Variants in ADAM10 observed in about 807,000 individuals in gnomAD.
The protein encoded by ADAM10 is disintegrin and metalloproteinase domain-containing protein 10.
Under a neutral mutation model 90.1 loss-of-function variants are expected in ADAM10, and 17 were observed. The ratio of observed to expected loss-of-function variants is 0.19; its 90% confidence interval spans 0.13 to 0.28. ADAM10 has a LOEUF of 0.28. Among genes scored for constraint, ADAM10 ranks in the 10% least tolerant of loss-of-function variants. ADAM10 has a pLI of 1.00. For synonymous variants in ADAM10, 310 were observed against 298.6 expected (o/e 1.04, Z -0.40); for missense variants, 610 against 914.3 (o/e 0.67, Z 4.29).
intron 4 of ADAM10, among the ~76,000 whole-genome samples, chr15:58,677,717 C>A (rs1054313300): frequency 2.0e-5 from 3 of 152,158 alleles, no homozygotes; most frequent in Non-Finnish European, 4.4e-5. Context: ...TGGCAGATTA[C>A]GCTTTTCCTC....
chr15:58,701,930 A>AC (rs1308957757), intron 2 of ADAM10, among the ~76,000 whole-genome samples: 6 of 151,784 alleles, frequency 4.0e-5, no homozygotes, highest in Non-Finnish European at 5.9e-5. Flanking sequence ...ACACAGCAAA[A>AC]CCCCATCTCT....
Position 58,634,041 on chromosome 15 carries a change from TG to T in ADAM10, c.1013-683del, listed in dbSNP as rs377414685. 6.8e-3 allele frequency among the ~76,000 whole-genome samples: 1,041 copies of T among 152,238 alleles called. 15 individuals carry two copies. The highest frequency in any genetic ancestry group is 0.024 in the African/African-American group (995 of 41,528). On this transcript the variant is annotated intron_variant, in intron 8 of 15. Coordinates refer to ENST00000260408, the MANE Select transcript of ADAM10 (RefSeq NM_001110.4). ...AAGAATTCACCACTGCTGAGCGCAG[TG>T]GCTCACGCCTGTAATCCCAGCACTT... is the stretch of plus-strand genomic sequence containing the variant.
chr15:58,708,771 T>C (rs1199206373), intron 2 of ADAM10, among the ~76,000 whole-genome samples: 2 of 152,196 alleles, frequency 1.3e-5, no homozygotes, highest in African/African-American at 2.4e-5. Context: ...GTTGGTTCAA[T>C]ATAGACTATT....
intron 12 of ADAM10, 40 bp from the exon 13 acceptor site, chr15:58,611,147 C>T: frequency 7.0e-7 from 1 of 1,429,118 alleles, no homozygotes; most frequent in East Asian, 2.3e-5. Flanking sequence ...AATCCCTATA[C>T]AGTCAAACCT....
At chr15:58,664,464 T>C (rs1189499487) in intron 5 of ADAM10, among the ~76,000 whole-genome samples, 3 of 152,150 alleles carry the variant, frequency 2.0e-5, no homozygotes, top group African/African-American at 7.2e-5. Context: ...GAATTGTTTA[T>C]GCCATTTTAC....
intron 2 of ADAM10, chr15:58,692,703 A>C (rs1897859495): frequency 1.8e-6 from 1 of 565,508 alleles, no homozygotes; most frequent in Admixed American, 1.9e-5. Context: ...CAACATGTAA[A>C]GTGAAGGAAC....
At chr15:58,738,973 C>T (rs1022544655) in intron 1 of ADAM10, among the ~76,000 whole-genome samples, 55 of 152,118 alleles carry the variant, frequency 3.6e-4, no homozygotes, top group African/African-American at 1.3e-3. Flanking sequence ...CTGTCCCACT[C>T]CCTGCATTTC....
At chr15:58,735,485 C>A (rs1417527209) in intron 1 of ADAM10, among the ~76,000 whole-genome samples, 1 of 152,174 alleles carries the variant, frequency 6.6e-6, no homozygotes, top group Admixed American at 6.6e-5. Context: ...ATGCTCAAAT[C>A]CCTGACAAAA....
intron 12 of ADAM10, 75 bp from the exon 13 acceptor site, chr15:58,611,182 A>T: frequency 1.9e-6 from 2 of 1,028,992 alleles, no homozygotes; most frequent in African/African-American, 1.6e-5. Flanking sequence ...CAGACAGGCA[A>T]GTATGAGCTT....
intron 1 of ADAM10, chr15:58,748,899 A>G (rs1179864422): frequency 5.0e-6 from 2 of 398,998 alleles, no homozygotes; most frequent in African/African-American, 4.1e-5. Flanking sequence ...GCCCCTCTGC[A>G]GAATGGGGTC....
At chr15:58,623,528 G>C (rs532976468) in intron 10 of ADAM10, among the ~76,000 whole-genome samples, 1 of 152,302 alleles carries the variant, frequency 6.6e-6, no homozygotes, top group South Asian at 2.1e-4. Flanking sequence ...CCAGAAGCAT[G>C]CACTATTTAT....
In ADAM10 at chr15:58,665,141, T is replaced by C. The variant is rs145518263; in HGVS notation, c.541A>G (p.Arg181Gly). 196 of 1,613,430 alleles carry C rather than the reference T, an allele frequency of 1.2e-4. 1 individual carries two copies. Among genetic ancestry groups the C allele is most frequent in the Admixed American group, 6.7e-4 (40 of 60,004 alleles). Residue 181 changes from arginine to glycine, a missense_variant, in exon 5 of 16, where the codon AGA becomes GGA. This residue lies in a region of ADAM10 where 310 missense variants were observed against 362.4 expected (regional missense o/e 0.86). Transcript: ENST00000260408. The stretch of plus-strand genomic sequence containing the variant: ...CCAGTCATCTGGTATTTCCTCATTC[T>C]TTCAAATACTGAATGATCTGCACAG... Reference protein sequence around the residue: ...GGCADHSVFERMRKYQMTGVE... With the variant: ...GGCADHSVFEGMRKYQMTGVE...
chr15:58,739,066 T>C (rs991313767), intron 1 of ADAM10, among the ~76,000 whole-genome samples: 2 of 152,094 alleles, frequency 1.3e-5, no homozygotes, highest in African/African-American at 4.8e-5. Flanking sequence ...TGAGAACCAC[T>C]ATGCCAAAGC....
chr15:58,627,456 A>G (rs999060764), intron 10 of ADAM10, among the ~76,000 whole-genome samples: 1 of 152,212 alleles, frequency 6.6e-6, no homozygotes, highest in African/African-American at 2.4e-5. Context: ...ACTCTAGTTA[A>G]TGATTTGCAG....
intron 1 of ADAM10, among the ~76,000 whole-genome samples, chr15:58,742,949 T>C (rs1262976415): frequency 6.6e-6 from 1 of 152,092 alleles, no homozygotes; most frequent in East Asian, 1.9e-4. Context: ...GTCCCAGCTA[T>C]GGAGAGGCTG....
At chr15:58,713,940 G>C (rs962446418) in intron 2 of ADAM10, among the ~76,000 whole-genome samples, 4 of 151,698 alleles carry the variant, frequency 2.6e-5, no homozygotes, top group African/African-American at 9.7e-5. Context: ...AGCCTCTTGA[G>C]TAGCTGGGAC....
chr15:58,641,464 G>C (rs1208834167), intron 7 of ADAM10, among the ~76,000 whole-genome samples: 1 of 152,066 alleles, frequency 6.6e-6, no homozygotes, highest in Non-Finnish European at 1.5e-5. Flanking sequence ...GGTTTTCCTT[G>C]CCTAGAGAGT....
At chr15:58,720,520 C>T (rs1399833790) in intron 1 of ADAM10, among the ~76,000 whole-genome samples, 1 of 152,068 alleles carries the variant, frequency 6.6e-6, no homozygotes, top group East Asian at 1.9e-4. Flanking sequence ...CCCGCCTCAG[C>T]CTCCCGAGTA....
At chr15:58,729,975 A>AAAAAAAAC (rs1899177324) in intron 1 of ADAM10, among the ~76,000 whole-genome samples, 1 of 138,218 alleles carries the variant, frequency 7.2e-6, no homozygotes, top group Non-Finnish European at 1.5e-5. Context: ...AAACAAAAAC[A>AAAAAAAAC]AAAACAAAAA....
Sources: gnomAD v4.1 joint callset for allele counts (sites outside exome capture counted in the v4.1 genomes callset) on GRCh38, gnomAD v4.1.1 for gene constraint, gnomAD v4.1.1 regional missense constraint, MANE v1.5 for transcripts, NCBI Gene and HGNC (gene_info 2026-07-23, HGNC 2026-07-21) for gene names.